SYT9: variants seen among roughly 807,000 people sequenced by gnomAD.
The protein encoded by SYT9 is synaptotagmin 9, also known as synaptotagmin-9.
A neutral mutation model predicts 48.4 loss-of-function variants in SYT9; 22 were observed. That is an observed-to-expected ratio of 0.45 (90% CI 0.32 to 0.65). The LOEUF is 0.65. Ranked by LOEUF, SYT9 falls within the 30% of genes least tolerant of loss-of-function variation. SYT9 has a pLI of 0.03. For missense variants in SYT9, 577 were observed against 622.0 expected (o/e 0.93, Z 0.77); for synonymous variants, 265 against 245.0 (o/e 1.08, Z -0.76).
chr11:7,414,810 G>T (rs374606716), intron 3 of SYT9, among the ~76,000 whole-genome samples: 9 of 152,296 alleles, frequency 5.9e-5, no homozygotes, highest in African/African-American at 2.2e-4. Flanking sequence ...CCGAATCTGT[G>T]CTTCTAAAAA....
intron 3 of SYT9, among the ~76,000 whole-genome samples, chr11:7,393,021 G>A (rs1032019454): frequency 3.3e-5 from 5 of 152,002 alleles, no homozygotes; most frequent in Admixed American, 6.6e-5. Flanking sequence ...GGTTTTCTAG[G>A]TATAGAATCA....
chr11:7,458,527 G>T (rs889139798), intron 6 of SYT9, among the ~76,000 whole-genome samples: 1 of 152,118 alleles, frequency 6.6e-6, no homozygotes, highest in East Asian at 1.9e-4. Flanking sequence ...AAGCAATGGG[G>T]ATCAGAAGTG....
At chr11:7,453,741 A>C (rs1448196271) in intron 6 of SYT9, among the ~76,000 whole-genome samples, 1 of 152,190 alleles carries the variant, frequency 6.6e-6, no homozygotes, top group Non-Finnish European at 1.5e-5. Context: ...TCCATCACAG[A>C]GCAGATGGCC....
chr11:7,383,470 C>G (rs966553539), intron 3 of SYT9, among the ~76,000 whole-genome samples: 3 of 152,116 alleles, frequency 2.0e-5, no homozygotes, highest in Non-Finnish European at 4.4e-5. Context: ...CAAGGACCCT[C>G]GAAACTTTCC....
intron 3 of SYT9, among the ~76,000 whole-genome samples, chr11:7,328,021 A>G (rs1327375231): frequency 3.6e-5 from 5 of 140,136 alleles, no homozygotes; most frequent in African/African-American, 1.3e-4. Flanking sequence ...ATGTATACAT[A>G]TGTAACTAAC....
At chr11:7,429,897 T>C (rs991899185) in intron 6 of SYT9, among the ~76,000 whole-genome samples, 3 of 152,220 alleles carry the variant, frequency 2.0e-5, no homozygotes, top group African/African-American at 7.2e-5. Context: ...AAAACTATTT[T>C]CCTTTTGCAT....
At chr11:7,256,383 A>G (rs1589889818) in intron 1 of SYT9, among the ~76,000 whole-genome samples, 1 of 152,206 alleles carries the variant, frequency 6.6e-6, no homozygotes, top group Non-Finnish European at 1.5e-5. Context: ...TATTAACAGG[A>G]TCCTCAGGTG....
rs966527707 is a variant in SYT9 at position 7,322,811 on chromosome 11, C to T, written c.1044+8870C>T. On this transcript the variant is annotated intron_variant, in intron 3 of 6. Coordinates refer to ENST00000318881, the MANE Select transcript of SYT9 (RefSeq NM_175733.4). ...CTTCCTATGTGCCGCTCCTCCAAAT[C>T]CCCCTAAGAGATTATCTGTATACTG... Among the ~76,000 whole-genome samples, 176 of 152,088 alleles carry T rather than the reference C, an allele frequency of 1.2e-3. 2 individuals carry two copies. Among genetic ancestry groups the T allele is most frequent in the Admixed American group, 0.011 (173 of 15,254 alleles).
At chr11:7,403,945 G>C (rs1159733557) in intron 3 of SYT9, among the ~76,000 whole-genome samples, 1 of 152,146 alleles carries the variant, frequency 6.6e-6, no homozygotes, top group African/African-American at 2.4e-5. Flanking sequence ...TATTTTGAGA[G>C]TGTGCTGTGA....
In SYT9 at chr11:7,251,978, G is replaced by A; in HGVS notation, c.-209G>A. On this transcript the variant is annotated 5_prime_UTR_variant, in exon 1 of 7. Transcript: ENST00000318881. ...AGGGACCGGGCGGGAGAGAGAGAAAGCCTGACCGACCGGCTGGCGAAGAGC... is the reference window on the plus strand; with the variant it reads ...AGGGACCGGGCGGGAGAGAGAGAAAACCTGACCGACCGGCTGGCGAAGAGC... 2.1e-6 allele frequency: 1 copy of A among 473,174 alleles called. No individual in the cohort carries two copies. Among genetic ancestry groups the A allele is most frequent in the Non-Finnish European group, 3.6e-6 (1 of 279,206 alleles). 29.3% of individuals were successfully genotyped at this position (473,174 alleles called of 1,614,324 possible). A position where few individuals can be genotyped will look rare whatever the true frequency, so the allele number is the denominator to read the frequency against.
upstream of SYT9, among the ~76,000 whole-genome samples, chr11:7,248,967 A>C (rs1318797096): frequency 6.6e-6 from 1 of 152,224 alleles, no homozygotes; most frequent in Non-Finnish European, 1.5e-5. Flanking sequence ...ACAGCATGGT[A>C]GTTGTATAAA....
rs143566380 is a variant in SYT9, at chr11:7,241,929, A to G, written c.49+3013A>G. Reference sequence around the variant, plus strand: ...CTCCCAAACATGGGTTCCCATTTCTATTCCATTGGCTACTAGCTATGTGAC... The same window carrying G: ...CTCCCAAACATGGGTTCCCATTTCTGTTCCATTGGCTACTAGCTATGTGAC... On this transcript the variant is annotated intron_variant and NMD_transcript_variant, in intron 1 of 8. Transcript: ENST00000524820. Among the ~76,000 whole-genome samples the G allele has an allele frequency of 5.0e-3, 758 of 152,340 alleles. 7 individuals are homozygous for G. Among genetic ancestry groups the G allele is most frequent in the African/African-American group, 0.017 (689 of 41,560 alleles).
At chr11:7,411,240 CTTTT>C (rs1435634081) in intron 3 of SYT9, among the ~76,000 whole-genome samples, 6 of 152,174 alleles carry the variant, frequency 3.9e-5, no homozygotes, top group Admixed American at 6.5e-5. Flanking sequence ...TTATTCCTCT[CTTTT>C]TTTCTAATTG....
At chr11:7,398,211 C>T (rs1256989986) in intron 3 of SYT9, among the ~76,000 whole-genome samples, 1 of 152,052 alleles carries the variant, frequency 6.6e-6, no homozygotes, top group East Asian at 1.9e-4. Flanking sequence ...TGCCTCTATT[C>T]ATGTTTTTTT....
chr11:7,300,944 C>T (rs1848909198), intron 1 of SYT9, among the ~76,000 whole-genome samples: 1 of 152,148 alleles, frequency 6.6e-6, no homozygotes. Context: ...CCCACTGACT[C>T]CACTCCCTAT....
chr11:7,293,450 C>T (rs1848729809), intron 1 of SYT9, among the ~76,000 whole-genome samples: 2 of 152,120 alleles, frequency 1.3e-5, no homozygotes, highest in South Asian at 4.2e-4. Context: ...CAATTTTCAC[C>T]ATGAATCAGA....
rs767134472 is a variant in SYT9, at chr11:7,466,811, G to C, written c.*11G>C. 17 of 1,613,066 alleles carry C rather than the reference G, an allele frequency of 1.1e-5. No homozygotes were observed. In the South Asian group the frequency reaches 1.4e-4, roughly 14 times the overall value. On this transcript the variant is annotated 3_prime_UTR_variant, in exon 7 of 7. Transcript: ENST00000318881. ...CTGCAGAAACGATGACCATGGGTAA[G>C]AGGACTGCTTGTGCCAAGGACAAAA...
chr11:7,333,768 G>A (rs1360892396), intron 3 of SYT9, among the ~76,000 whole-genome samples: 1 of 152,150 alleles, frequency 6.6e-6, no homozygotes, highest in East Asian at 1.9e-4. Flanking sequence ...GTTAGTTGCA[G>A]TTTTGTCTCC....
chr11:7,372,504 G>A lies in SYT9; in HGVS notation c.1045-43538G>A, dbSNP rs551233478. 2.6e-5 allele frequency among the ~76,000 whole-genome samples: 4 copies of A among 152,002 alleles called. No homozygotes were observed. The East Asian group carries it at 5.8e-4, about 22-fold the overall frequency. ...ATTTTAAAATTTTTTATGAAGATGAGGTCTCATTACATTGCCCAGGCAGGT... is the reference window on the plus strand; with the variant it reads ...ATTTTAAAATTTTTTATGAAGATGAAGTCTCATTACATTGCCCAGGCAGGT... On this transcript the variant is annotated intron_variant, in intron 3 of 6. Transcript: ENST00000318881.
Sources: gnomAD v4.1 joint callset for allele counts (sites outside exome capture counted in the v4.1 genomes callset) on GRCh38, gnomAD v4.1.1 for gene constraint, MANE v1.5 for transcripts, NCBI Gene and HGNC (gene_info 2026-07-23, HGNC 2026-07-21) for gene names.